ACSM1: variants seen among roughly 807,000 people sequenced by gnomAD.
ACSM1 encodes acyl-coenzyme A synthetase ACSM1, mitochondrial.
ACSM1 carries 79 observed loss-of-function variants against 75.8 expected under a neutral mutation model. The observed-to-expected ratio is 1.04, with a 90% CI of 0.87 to 1.26. The LOEUF (loss-of-function observed/expected upper bound fraction) is 1.26, where lower values mean the gene tolerates loss of function less well. Among genes scored for constraint, ACSM1 ranks in the 50% most tolerant of loss-of-function variants. The pLI, the probability that ACSM1 is intolerant of heterozygous loss-of-function variation, is 0.00. For synonymous variants in ACSM1, 279 were observed against 265.8 expected (o/e 1.05, Z -0.48); for missense variants, 676 against 720.1 (o/e 0.94, Z 0.70).
At chr16:20,690,381 C>T (rs1003598459) in intron 2 of ACSM1, among the ~76,000 whole-genome samples, 2 of 152,192 alleles carry the variant, frequency 1.3e-5, no homozygotes, top group Admixed American at 6.5e-5. Flanking sequence ...ACAAACCAAG[C>T]ACTTGGGGTT....
chr16:20,695,617 T>A (rs1416924733), intron 1 of ACSM1, among the ~76,000 whole-genome samples: 1 of 152,144 alleles, frequency 6.6e-6, no homozygotes, highest in Non-Finnish European at 1.5e-5. Context: ...ATCTATCTAT[T>A]ACCTATCTAT....
rs1254391747 is a variant in ACSM1, at chr16:20,682,239, T to C, written c.611+17A>G. ...CAACTGTACTCAGAGATTATATTCA[T>C]CAGACCAGAGACTCACTTAACCAGC... On this transcript the variant is annotated intron_variant, in intron 4 of 13. Transcript: ENST00000520010. The C allele has an allele frequency of 6.2e-7, 1 of 1,610,442 alleles. No homozygotes were observed. Among genetic ancestry groups the C allele is most frequent in the Admixed American group, 1.7e-5 (1 of 59,996 alleles).
intron 1 of ACSM1, among the ~76,000 whole-genome samples, chr16:20,695,712 T>A (rs2079686402): frequency 6.6e-6 from 1 of 152,186 alleles, no homozygotes; most frequent in Non-Finnish European, 1.5e-5. Flanking sequence ...TCTAGATATA[T>A]AAGAACCTGA....
chr16:20,672,495 T>TATATAA (rs1418749231), intron 4 of ACSM1, among the ~76,000 whole-genome samples: 34 of 93,276 alleles, frequency 3.6e-4, no homozygotes, highest in African/African-American at 1.1e-3. Context: ...TATATATATA[T>TATATAA]AAAAAACATA....
Position 20,691,242 on chromosome 16 carries a change from T to G in ACSM1, c.-51-3A>C. The G allele has an allele frequency of 7.1e-7, 1 of 1,413,986 alleles. No homozygotes were observed. Among genetic ancestry groups the G allele is most frequent in the Non-Finnish European group, 9.4e-7 (1 of 1,058,434 alleles). 87.6% of individuals were successfully genotyped at this position (1,413,986 alleles called of 1,614,324 possible). On this transcript the variant is annotated splice_polypyrimidine_tract_variant and splice_region_variant and intron_variant, in intron 1 of 13. Coordinates refer to ENST00000520010, the MANE Select transcript of ACSM1 (RefSeq NM_001318890.3). ...AGAGTTCTCAAGTCACCACCTGCCT[T>G]GGGAAGAGATGGCTAATAGATTGGC...
At chr16:20,657,400 CTG>C (rs1431704435) in intron 7 of ACSM1, among the ~76,000 whole-genome samples, 1 of 152,100 alleles carries the variant, frequency 6.6e-6, no homozygotes, top group Non-Finnish European at 1.5e-5. Context: ...CCTCTGCCTC[CTG>C]TGTTCAAGCA....
chr16:20,680,355 G>A (rs1180668704), intron 4 of ACSM1: 1 of 152,152 alleles, frequency 6.6e-6, no homozygotes, highest in Non-Finnish European at 1.5e-5. Context: ...CATTCTATAA[G>A]CATTTGGATA....
At chr16:20,682,484 G>A (rs763544627) in intron 3 of ACSM1, 21 bp from the exon 4 acceptor site, 2 of 1,600,246 alleles carry the variant, frequency 1.2e-6, no homozygotes, top group South Asian at 1.1e-5. Context: ...GAAAGGAACT[G>A]ATTGTTTTGG....
At chr16:20,627,691 T>C (rs2017034983) in intron 10 of ACSM1, among the ~76,000 whole-genome samples, 1 of 151,312 alleles carries the variant, frequency 6.6e-6, no homozygotes, top group South Asian at 2.1e-4. Context: ...TAGCTGGGCA[T>C]GGTGGTGCAT....
chr16:20,688,869 C>A (rs1478559037), intron 2 of ACSM1, among the ~76,000 whole-genome samples: 2 of 151,286 alleles, frequency 1.3e-5, no homozygotes, highest in Non-Finnish European at 2.9e-5. Context: ...ATATAAAAAT[C>A]AATATTATTA....
Position 20,636,805 on chromosome 16 carries a change from G to A in ACSM1, c.1233C>T (p.Asn411=), listed in dbSNP as rs1567253775. The change falls in exon 10 of 14, where the codon AAC becomes AAT. Residue 411 remains asparagine, a synonymous_variant. Coordinates refer to ENST00000520010, the MANE Select transcript of ACSM1 (RefSeq NM_001318890.3). ...TTCTGATGCCAATGTTTCCTTCTGT[G>A]TTAGGTGGCAGGATGCTGCCCTTGT... ...IDDKGSILPP[N]TEGNIGIRIK... is the part of the protein sequence containing the mutation. The A allele has an allele frequency of 1.5e-5, 24 of 1,613,904 alleles. No homozygotes were observed. The highest frequency in any genetic ancestry group is 1.9e-5 in the Non-Finnish European group (23 of 1,180,014).
intron 11 of ACSM1, among the ~76,000 whole-genome samples, chr16:20,626,648 G>A (rs1469515663): frequency 6.6e-6 from 1 of 151,644 alleles, no homozygotes; most frequent in Non-Finnish European, 1.5e-5. Flanking sequence ...AAAGCATTAA[G>A]GACAGTGTTT....
At chr16:20,685,819 C>CAAAAAAAAAAAAA (rs71842093) in intron 2 of ACSM1, among the ~76,000 whole-genome samples, 2 of 50,184 alleles carry the variant, frequency 4.0e-5, no homozygotes, top group African/African-American at 1.1e-4. Flanking sequence ...GACTCCGTCT[C>CAAAAAAAAAAAAA]AAAAAAAAAA....
At position 20,638,122 on chromosome 16, in the gene ACSM1, C is replaced by T. The variant is rs150209411; in HGVS notation, c.1117-671G>A. ...ACAAATATATTTATTTCTGTAGCTG[C>T]GTGCTTTACATTCAGACCAATGAGG... On this transcript the variant is annotated intron_variant, in intron 8 of 13. Coordinates refer to ENST00000520010, the MANE Select transcript of ACSM1 (RefSeq NM_001318890.3). 1.8e-3 allele frequency among the ~76,000 whole-genome samples: 277 copies of T among 152,302 alleles called. 3 individuals are homozygous for T. The Middle Eastern group carries it at 0.02, about 11-fold the overall frequency.
Position 20,625,610 on chromosome 16 carries a change from G to A in ACSM1, c.1428-88C>T, listed in dbSNP as rs2016877639. The stretch of plus-strand genomic sequence containing the variant: ...CTGCTTTGGAGTCACAGCTTCCTTT[G>A]GCACAGAGGGTGGAGGTCATAGGAA... On this transcript the variant is annotated intron_variant, in intron 11 of 13. Coordinates refer to ENST00000520010, the MANE Select transcript of ACSM1 (RefSeq NM_001318890.3). The A allele has an allele frequency of 5.6e-6, 7 of 1,239,182 alleles. No individual in the cohort carries two copies. In the East Asian group the frequency reaches 1.8e-4, roughly 32 times the overall value. 76.8% of individuals were successfully genotyped at this position (1,239,182 alleles called of 1,614,324 possible).
chr16:20,669,975 C>CGTAATTTCCTACTAACTCCAAAATGCA lies in ACSM1; in HGVS notation c.753-16_763dup (p.Leu254_Arg255insLeuHisPheGlyValSerArgLysLeu), dbSNP rs762965682. 7 of 1,613,670 alleles carry CGTAATTTCCTACTAACTCCAAAATGCA rather than the reference C, an allele frequency of 4.3e-6. No homozygotes were observed. The highest frequency in any genetic ancestry group is 5.9e-6 in the Non-Finnish European group (7 of 1,179,790). ...GGAGACATCAGATGTCTTCAGGCTCCGTAATTTCCTACTAACTCCAAAATG... is the reference window on the plus strand; with the variant it reads ...GGAGACATCAGATGTCTTCAGGCTCCGTAATTTCCTACTAACTCCAAAATGCAGTAATTTCCTACTAACTCCAAAATG... On this transcript the variant is annotated inframe_insertion, in exon 6 of 14. Transcript: ENST00000520010.
chr16:20,675,451 C>T (rs1379741470), intron 4 of ACSM1, among the ~76,000 whole-genome samples: 1 of 152,094 alleles, frequency 6.6e-6, no homozygotes, highest in Non-Finnish European at 1.5e-5. Flanking sequence ...AAGGCACGTT[C>T]CTGGCTAAGC....
intron 7 of ACSM1, among the ~76,000 whole-genome samples, chr16:20,646,343 C>T (rs932620129): frequency 1.3e-5 from 2 of 152,208 alleles, no homozygotes; most frequent in South Asian, 4.1e-4. Context: ...CCCGAGGGGA[C>T]GAAGGTCATC....
chr16:20,647,245 C>T (rs2152230261), intron 7 of ACSM1, among the ~76,000 whole-genome samples: 1 of 152,272 alleles, frequency 6.6e-6, no homozygotes, highest in East Asian at 1.9e-4. Context: ...GAATGGGAGA[C>T]TGGAGGGACA....
Sources: gnomAD v4.1 joint callset for allele counts (sites outside exome capture counted in the v4.1 genomes callset) on GRCh38, gnomAD v4.1.1 for gene constraint, MANE v1.5 for transcripts, NCBI Gene and HGNC (gene_info 2026-07-23, HGNC 2026-07-21) for gene names.